The following PLA2G4E variants were observed in gnomAD, a reference collection of about 807,000 sequenced individuals.
PLA2G4E encodes the protein cytosolic phospholipase A2 epsilon.
PLA2G4E carries 84 observed loss-of-function variants against 109.1 expected under a neutral mutation model. The ratio of observed to expected loss-of-function variants is 0.77; its 90% CI spans 0.65 to 0.92. The LOEUF (loss-of-function observed/expected upper bound fraction) is 0.92, where lower values mean the gene tolerates loss of function less well. Ranked by LOEUF, PLA2G4E falls within the 40% of genes least tolerant of loss-of-function variation. PLA2G4E has a pLI of 0.00. For missense variants in PLA2G4E, 1,057 were observed against 1,076.6 expected (o/e 0.98, Z 0.25); for synonymous variants, 469 against 436.1 (o/e 1.08, Z -0.94).
intron 5 of PLA2G4E, among the ~76,000 whole-genome samples, chr15:42,003,290 G>T (rs554375015): frequency 6.6e-6 from 1 of 152,166 alleles, no homozygotes; most frequent in Non-Finnish European, 1.5e-5. Context: ...AAGGAGTCTC[G>T]CTCTGTCGCC....
chr15:42,047,804 T>G (rs923565590), intron 1 of PLA2G4E, among the ~76,000 whole-genome samples: 1 of 152,144 alleles, frequency 6.6e-6, no homozygotes, highest in Admixed American at 6.5e-5. Context: ...TCTGAGAAAT[T>G]CCATGGAAAT....
intron 1 of PLA2G4E, among the ~76,000 whole-genome samples, chr15:42,022,935 G>T (rs184456434): frequency 8.5e-5 from 13 of 152,274 alleles, no homozygotes; most frequent in African/African-American, 3.1e-4. Context: ...TTACAGAGGA[G>T]GTGGCATCTG....
At chr15:41,999,651 G>T in intron 9 of PLA2G4E, 90 bp from the exon 10 acceptor site, 1 of 1,430,712 alleles carries the variant, frequency 7.0e-7, no homozygotes, top group South Asian at 1.3e-5. Context: ...ACCCCACTCA[G>T]CACACACGTG....
At chr15:41,995,296 AC>A in intron 12 of PLA2G4E, 63 bp downstream of exon 12, 4 of 1,573,398 alleles carry the variant, frequency 2.5e-6, no homozygotes, top group Non-Finnish European at 3.5e-6. Flanking sequence ...TTCACCTGAG[AC>A]CCCAGGCCAG....
intron 1 of PLA2G4E, among the ~76,000 whole-genome samples, chr15:42,041,081 G>T (rs1889307210): frequency 6.6e-6 from 1 of 152,132 alleles, no homozygotes. Flanking sequence ...TTGGTGATAG[G>T]ATGTAGATTA....
chr15:42,023,030 A>T (rs2068661575), intron 1 of PLA2G4E, among the ~76,000 whole-genome samples: 1 of 152,066 alleles, frequency 6.6e-6, no homozygotes, highest in South Asian at 2.1e-4. Flanking sequence ...TCCTAGGAGG[A>T]AGAAACAGCA....
chr15:42,003,657 C>T (rs1405733424), intron 5 of PLA2G4E, among the ~76,000 whole-genome samples: 1 of 152,214 alleles, frequency 6.6e-6, no homozygotes, highest in Non-Finnish European at 1.5e-5. Context: ...AGTTCCCTCA[C>T]ATAGTTTGAA....
chr15:42,011,306 G>C (rs991258159), intron 2 of PLA2G4E, among the ~76,000 whole-genome samples: 1 of 152,274 alleles, frequency 6.6e-6, no homozygotes, highest in African/African-American at 2.4e-5. Flanking sequence ...CTGAGTGACA[G>C]GTGTGGCAGG....
At chr15:42,026,182 G>C (rs2068691537) in intron 1 of PLA2G4E, among the ~76,000 whole-genome samples, 1 of 151,910 alleles carries the variant, frequency 6.6e-6, no homozygotes, top group African/African-American at 2.4e-5. Flanking sequence ...TGCCCTACCA[G>C]GTACTAAGAT....
intron 11 of PLA2G4E, among the ~76,000 whole-genome samples, chr15:41,996,688 C>T (rs996360021): frequency 2.8e-4 from 42 of 152,230 alleles, no homozygotes; most frequent in Admixed American, 2.7e-3. Context: ...CTCCAGCTTC[C>T]TAGCGCTGTT....
intron 2 of PLA2G4E, chr15:42,010,132 G>GGCC: frequency 4.8e-6 from 2 of 417,166 alleles, no homozygotes; most frequent in South Asian, 2.0e-5. Flanking sequence ...CAGAACACTG[G>GGCC]CCCCCCCACC....
intron 1 of PLA2G4E, among the ~76,000 whole-genome samples, chr15:42,031,038 G>T (rs1889102217): frequency 6.6e-6 from 1 of 152,114 alleles, no homozygotes; most frequent in South Asian, 2.1e-4. Context: ...CACAATCAGG[G>T]CTCACTGCAG....
chr15:42,042,553 A>G (rs1261233449), intron 1 of PLA2G4E, among the ~76,000 whole-genome samples: 1 of 152,220 alleles, frequency 6.6e-6, no homozygotes, highest in Non-Finnish European at 1.5e-5. Context: ...TTTCATGCCT[A>G]CCATGTCCCA....
At position 42,000,296 on chromosome 15, in the gene PLA2G4E, C is replaced by A. The variant is rs1441094535; in HGVS notation, c.674-14G>T. On this transcript the variant is annotated splice_polypyrimidine_tract_variant and intron_variant, in intron 7 of 19. Transcript: ENST00000399518. The stretch of plus-strand genomic sequence containing the variant: ...GGAGGTCCTTCACTGGGAGAGAGGA[C>A]AAGAGGGTGAGACCCTGGGAGCCTC... The A allele has an allele frequency of 1.9e-6, 3 of 1,554,776 alleles. No homozygotes were observed. The highest frequency in any genetic ancestry group is 1.9e-5 in the Admixed American group (1 of 51,628).
At chr15:42,042,532 G>T (rs542917854) in intron 1 of PLA2G4E, among the ~76,000 whole-genome samples, 1 of 152,248 alleles carries the variant, frequency 6.6e-6, no homozygotes, top group African/African-American at 2.4e-5. Flanking sequence ...GGGAAAGAAA[G>T]CTAACATTTA....
chr15:42,013,882 GTTTTTTT>G (rs10539531), intron 1 of PLA2G4E, 125 bp from the exon 2 acceptor site: 145 of 134,182 alleles, frequency 1.1e-3, no homozygotes, highest in East Asian at 2.5e-3. Context: ...CCCTAGGCTG[GTTTTTTT>G]TTTTTTTTTT....
intron 1 of PLA2G4E, among the ~76,000 whole-genome samples, chr15:42,043,120 C>T (rs1460954158): frequency 2.6e-5 from 4 of 152,168 alleles, no homozygotes; most frequent in African/African-American, 9.7e-5. Flanking sequence ...GCGGGGGTGG[C>T]TCTGGAAACC....
At chr15:42,037,044 C>G (rs977550009) in intron 1 of PLA2G4E, among the ~76,000 whole-genome samples, 1 of 152,248 alleles carries the variant, frequency 6.6e-6, no homozygotes, top group Non-Finnish European at 1.5e-5. Context: ...GCCGCTTCAG[C>G]CCCCTCCAGA....
At chr15:42,026,947 T>A (rs187570846) in intron 1 of PLA2G4E, among the ~76,000 whole-genome samples, 1 of 145,490 alleles carries the variant, frequency 6.9e-6, no homozygotes, top group Non-Finnish European at 1.5e-5. Flanking sequence ...CCCTCCAACC[T>A]GGGCGACAGA....
Sources: gnomAD v4.1 joint callset for allele counts (sites outside exome capture counted in the v4.1 genomes callset) on GRCh38, gnomAD v4.1.1 for gene constraint, MANE v1.5 for transcripts, NCBI Gene and HGNC (gene_info 2026-07-23, HGNC 2026-07-21) for gene names.